Variants in ADGRB3 observed in about 807,000 individuals in gnomAD.
ADGRB3 encodes adhesion G protein-coupled receptor B3.
Under a neutral mutation model 193.4 loss-of-function variants are expected in ADGRB3, and 37 were observed. The observed-to-expected ratio is 0.19, with a 90% CI of 0.15 to 0.25. The LOEUF is 0.25. Ranked by LOEUF, ADGRB3 falls within the 10% of genes least tolerant of loss-of-function variation. The pLI is 1.00. For missense variants in ADGRB3, 1,637 were observed against 1,852.9 expected (o/e 0.88, Z 2.14); for synonymous variants, 690 against 644.2 (o/e 1.07, Z -1.08).
At chr6:69,228,524 T>G (rs1303996487) in intron 17 of ADGRB3, among the ~76,000 whole-genome samples, 1 of 152,152 alleles carries the variant, frequency 6.6e-6, no homozygotes, top group Non-Finnish European at 1.5e-5. Context: ...AACTAGCTAA[T>G]TTTTAGATAA....
chr6:68,913,426 CA>C (rs201901031), intron 3 of ADGRB3, among the ~76,000 whole-genome samples: 4,568 of 152,264 alleles, frequency 0.03, 201 homozygotes, highest in African/African-American at 0.1. Context: ...CTGATACAGG[CA>C]GACAGGGTCT....
At chr6:69,337,975 C>T (rs1308421672) in intron 24 of ADGRB3, among the ~76,000 whole-genome samples, 1 of 152,062 alleles carries the variant, frequency 6.6e-6, no homozygotes, top group Admixed American at 6.6e-5. Context: ...AGCATTATTC[C>T]AAGTTGTTTG....
At chr6:68,638,328 A>G (rs935337699) in intron 2 of ADGRB3, among the ~76,000 whole-genome samples, 22 of 152,086 alleles carry the variant, frequency 1.4e-4, no homozygotes, top group African/African-American at 5.1e-4. Flanking sequence ...ACGTTTTAAA[A>G]CTCCATGTTT....
intron 22 of ADGRB3, among the ~76,000 whole-genome samples, chr6:69,329,218 A>T (rs1207214345): frequency 6.6e-6 from 1 of 152,166 alleles, no homozygotes; most frequent in Admixed American, 6.6e-5. Context: ...ATTTAGTGGC[A>T]GTCTTAGAGA....
At chr6:69,228,254 C>T (rs1561959312) in intron 17 of ADGRB3, among the ~76,000 whole-genome samples, 1 of 151,982 alleles carries the variant, frequency 6.6e-6, no homozygotes, top group Non-Finnish European at 1.5e-5. Flanking sequence ...AAGACTCCAT[C>T]TCAAAGAAAA....
Position 69,054,454 on chromosome 6 carries a change from GCTC to G in ADGRB3, c.2333+5109_2333+5111del, listed in dbSNP as rs1771487980. Reference sequence around the variant, plus strand: ...CCTGAAGCAGTCAGCTCTCTCCAGAGCTCATGTCCTTAGGTTTAGGACCTAAAC... The same window carrying G: ...CCTGAAGCAGTCAGCTCTCTCCAGAGATGTCCTTAGGTTTAGGACCTAAAC... On this transcript the variant is annotated intron_variant, in intron 15 of 31. Coordinates refer to ENST00000370598, the MANE Select transcript of ADGRB3 (RefSeq NM_001704.3). 9.2e-5 allele frequency among the ~76,000 whole-genome samples: 14 copies of G among 152,248 alleles called. No individual in the cohort carries two copies. The South Asian group carries it at 2.9e-3, about 32-fold the overall frequency.
chr6:69,322,665 C>A (rs551613210), intron 20 of ADGRB3, among the ~76,000 whole-genome samples: 3 of 151,934 alleles, frequency 2.0e-5, no homozygotes, highest in African/African-American at 7.2e-5. Context: ...TATACTAATT[C>A]TTCACATGCT....
intron 3 of ADGRB3, among the ~76,000 whole-genome samples, chr6:68,662,038 G>A (rs1768674922): frequency 6.6e-6 from 1 of 151,448 alleles, no homozygotes; most frequent in African/African-American, 2.4e-5. Context: ...TGTGATATTG[G>A]CACAAGTCAG....
intron 25 of ADGRB3, 128 bp downstream of exon 25, chr6:69,339,142 G>T (rs904025574): frequency 5.3e-6 from 6 of 1,142,702 alleles, no homozygotes; most frequent in South Asian, 1.5e-5. Context: ...TTTATAATTG[G>T]CAACTGTCTT....
intron 17 of ADGRB3, chr6:69,232,357 A>G: frequency 7.3e-7 from 1 of 1,362,606 alleles, no homozygotes; most frequent in Non-Finnish European, 9.6e-7. Context: ...CACGAACAAG[A>G]CGTAGGTTGA....
At chr6:69,152,933 A>C (rs538377570) in intron 17 of ADGRB3, among the ~76,000 whole-genome samples, 1 of 152,156 alleles carries the variant, frequency 6.6e-6, no homozygotes, top group Admixed American at 6.5e-5. Context: ...GCATTGATGT[A>C]CTCAGTTTAT....
chr6:69,382,873 G>A lies in ADGRB3; in HGVS notation c.4318G>A (p.Glu1440Lys), dbSNP rs773275182. The change falls in exon 31 of 32, where the codon GAA (glutamate) becomes AAA (lysine). Residue 1440 changes from glutamate (E) to lysine (K), a missense_variant. This residue lies in a region of ADGRB3 where 368 missense variants were observed against 367.4 expected (regional missense o/e 1.00). Transcript: ENST00000370598. Reference protein sequence around the residue: ...TRKRHMELFQELNQKFQTLDR... With the variant: ...TRKRHMELFQKLNQKFQTLDR... ...GAAGAGGCATATGGAACTATTTCAA[G>A]AACTAAATCAGAAATTTCAAACTTT... 6 of 1,608,902 alleles carry A rather than the reference G, an allele frequency of 3.7e-6. No homozygotes were observed. The highest frequency in any genetic ancestry group is 4.2e-6 in the Non-Finnish European group (5 of 1,177,342).
At chr6:68,840,918 A>G (rs1768146519) in intron 3 of ADGRB3, among the ~76,000 whole-genome samples, 1 of 152,192 alleles carries the variant, frequency 6.6e-6, no homozygotes, top group South Asian at 2.1e-4. Context: ...AAGATATTTC[A>G]TGCCAACGGA....
At chr6:69,049,399 G>A in intron 15 of ADGRB3, 53 bp downstream of exon 15, 1 of 1,282,152 alleles carries the variant, frequency 7.8e-7, no homozygotes, top group Middle Eastern at 2.2e-4. Context: ...TCCAAAATGT[G>A]ATTATAGCTC....
chr6:68,962,193 C>G (rs1262356910), intron 8 of ADGRB3, among the ~76,000 whole-genome samples: 1 of 152,104 alleles, frequency 6.6e-6, no homozygotes, highest in Non-Finnish European at 1.5e-5. Context: ...GAAGATATCC[C>G]ATAGATGAGA....
At chr6:68,733,924 G>C (rs1765824693) in intron 3 of ADGRB3, among the ~76,000 whole-genome samples, 1 of 151,488 alleles carries the variant, frequency 6.6e-6, no homozygotes, top group Non-Finnish European at 1.5e-5. Context: ...TCGCCACGAT[G>C]TGCATTATTT....
intron 3 of ADGRB3, among the ~76,000 whole-genome samples, chr6:68,821,594 A>G (rs986059006): frequency 6.6e-6 from 1 of 151,924 alleles, no homozygotes; most frequent in African/African-American, 2.4e-5. Context: ...CTATAAAAAA[A>G]AAATTTGAGT....
intron 3 of ADGRB3, among the ~76,000 whole-genome samples, chr6:68,640,575 A>G (rs1477667024): frequency 6.6e-6 from 1 of 152,216 alleles, no homozygotes. Flanking sequence ...ATTGCCACAA[A>G]GATCCCAGTC....
chr6:69,194,039 C>A (rs180693065), intron 17 of ADGRB3, among the ~76,000 whole-genome samples: 4 of 152,222 alleles, frequency 2.6e-5, no homozygotes, highest in African/African-American at 7.2e-5. Flanking sequence ...TCTCATCCTT[C>A]TCATCTTTCT....
Sources: gnomAD v4.1 joint callset for allele counts (sites outside exome capture counted in the v4.1 genomes callset) on GRCh38, gnomAD v4.1.1 for gene constraint, gnomAD v4.1.1 regional missense constraint, MANE v1.5 for transcripts, NCBI Gene and HGNC (gene_info 2026-07-23, HGNC 2026-07-21) for gene names.